The following LGR6 variants were observed in gnomAD, a reference collection of about 807,000 sequenced individuals.
The protein encoded by LGR6 is leucine-rich repeat-containing G protein-coupled receptor 6.
In LGR6, 45 loss-of-function variants were observed where a neutral mutation model predicts 69.4. That is an observed-to-expected ratio of 0.65 (90% CI 0.51 to 0.83). The LOEUF (loss-of-function observed/expected upper bound fraction) is 0.83. Ranked by LOEUF, LGR6 falls within the 40% of genes least tolerant of loss-of-function variation. LGR6 has a pLI of 0.00. For missense variants in LGR6, 1,108 were observed against 1,246.7 expected (o/e 0.89, Z 1.68); for synonymous variants, 538 against 555.0 (o/e 0.97, Z 0.43).
In LGR6 at chr1:202,212,959, C is replaced by T. The variant is rs1265682432; in HGVS notation, c.213-12464C>T. Among the ~76,000 whole-genome samples, 4 of 152,142 alleles carry T rather than the reference C, an allele frequency of 2.6e-5. No homozygotes were observed. In the South Asian group the frequency reaches 8.3e-4, roughly 32 times the overall value. On this transcript the variant is annotated intron_variant, in intron 1 of 17. Coordinates refer to ENST00000367278, the MANE Select transcript of LGR6 (RefSeq NM_001017403.2). ...GCCAAGCTTCCTCCAGGAAGCCCTC[C>T]CTGACCCACAGGTACTTGAGATTCC...
intron 7 of LGR6, among the ~76,000 whole-genome samples, chr1:202,299,571 A>G (rs931188750): frequency 7.2e-5 from 11 of 152,240 alleles, no homozygotes; most frequent in African/African-American, 2.7e-4. Flanking sequence ...CCCCTGTCTT[A>G]GAAACTTCTA....
rs183410180 is a variant in LGR6, at chr1:202,261,049, C to G, written c.429-15257C>G. The stretch of plus-strand genomic sequence containing the variant: ...GGATACAATAAACATCTTAAATCTA[C>G]ACTATTCTTTCAGCTCTAATGTTTT... On this transcript the variant is annotated intron_variant, in intron 4 of 17. Transcript: ENST00000367278. Among the ~76,000 whole-genome samples, 553 of 152,024 alleles carry G rather than the reference C, an allele frequency of 3.6e-3. 10 individuals are homozygous for G. The highest frequency in any genetic ancestry group is 0.024 in the South Asian group (114 of 4,808).
chr1:202,205,125 A>ACG (rs1208142256), intron 1 of LGR6, among the ~76,000 whole-genome samples: 1 of 85,544 alleles, frequency 1.2e-5, no homozygotes. Flanking sequence ...CACCTAACAC[A>ACG]CCTCCTTCAA....
intron 4 of LGR6, among the ~76,000 whole-genome samples, chr1:202,250,486 A>C (rs1204745353): frequency 1.3e-5 from 2 of 151,894 alleles, no homozygotes; most frequent in African/African-American, 4.8e-5. Flanking sequence ...GCTCACCGCA[A>C]CCTCTGCTTT....
chr1:202,244,045 C>G (rs1232288001), intron 4 of LGR6, among the ~76,000 whole-genome samples: 1 of 152,132 alleles, frequency 6.6e-6, no homozygotes, highest in Non-Finnish European at 1.5e-5. Context: ...CAACCTTCCA[C>G]CTGCCGGGTT....
At chr1:202,293,577 C>A (rs1451676362) in intron 6 of LGR6, among the ~76,000 whole-genome samples, 1 of 152,030 alleles carries the variant, frequency 6.6e-6, no homozygotes, top group Non-Finnish European at 1.5e-5. Flanking sequence ...AAGGAGGCAA[C>A]AAATGTTCAT....
intron 1 of LGR6, 143 bp from the exon 2 acceptor site, chr1:202,225,280 C>T (rs1046797093): frequency 1.4e-5 from 10 of 722,250 alleles, no homozygotes; most frequent in Non-Finnish European, 2.3e-5. Flanking sequence ...CTGCTGTTGT[C>T]AGACTGGCTT....
At chr1:202,240,853 C>T (rs1319620686) in intron 4 of LGR6, among the ~76,000 whole-genome samples, 1 of 152,168 alleles carries the variant, frequency 6.6e-6, no homozygotes, top group Admixed American at 6.5e-5. Context: ...GACCTTCCTC[C>T]AAGGGACTAT....
intron 4 of LGR6, among the ~76,000 whole-genome samples, chr1:202,266,609 T>G (rs1664683669): frequency 1.3e-5 from 2 of 152,094 alleles, no homozygotes; most frequent in African/African-American, 4.8e-5. Context: ...CCTCACTCCC[T>G]GCGTCACCCA....
intron 3 of LGR6, among the ~76,000 whole-genome samples, chr1:202,231,161 G>A (rs1431054383): frequency 6.6e-6 from 1 of 152,208 alleles, no homozygotes; most frequent in Admixed American, 6.5e-5. Context: ...CATCCCGGAG[G>A]AAATCTCCCT....
intron 7 of LGR6, chr1:202,298,471 AAGAGTCCTGG>A (rs1240406367): frequency 1.3e-5 from 2 of 152,116 alleles, no homozygotes; most frequent in Admixed American, 6.5e-5. Context: ...GGACCAGATT[AAGAGTCCTGG>A]AGACTCATAA....
chr1:202,200,871 C>T (rs889136643), intron 1 of LGR6, among the ~76,000 whole-genome samples: 2 of 152,104 alleles, frequency 1.3e-5, no homozygotes, highest in Admixed American at 1.3e-4. Flanking sequence ...TGGCACTGTG[C>T]CCCCCGGAGC....
At chr1:202,215,906 G>A (rs1053122921) in intron 1 of LGR6, among the ~76,000 whole-genome samples, 6 of 151,156 alleles carry the variant, frequency 4.0e-5, no homozygotes, top group African/African-American at 1.2e-4. Flanking sequence ...GACTGAACCT[G>A]CAGAGATCAG....
chr1:202,300,449 T>C (rs1311314773), intron 7 of LGR6, among the ~76,000 whole-genome samples: 1 of 151,536 alleles, frequency 6.6e-6, no homozygotes, highest in Non-Finnish European at 1.5e-5. Context: ...AGCCCAGGAG[T>C]TCTAGACTAG....
chr1:202,275,722 AG>A (rs1456312942), intron 4 of LGR6, among the ~76,000 whole-genome samples: 1 of 152,092 alleles, frequency 6.6e-6, no homozygotes, highest in Non-Finnish European at 1.5e-5. Context: ...CCTTTTGGGG[AG>A]GCATTTTTCT....
chr1:202,220,595 G>T (rs545470406), intron 1 of LGR6, among the ~76,000 whole-genome samples: 2 of 152,328 alleles, frequency 1.3e-5, no homozygotes, highest in East Asian at 3.9e-4. Flanking sequence ...TTAGAGATGG[G>T]AAGTGACATG....
At chr1:202,202,928 G>A (rs1658888579) in intron 1 of LGR6, among the ~76,000 whole-genome samples, 1 of 152,156 alleles carries the variant, frequency 6.6e-6, no homozygotes, top group African/African-American at 2.4e-5. Flanking sequence ...AAGGTGCTGA[G>A]TGTCTTCCAT....
chr1:202,283,061 GTAATAGTTAAC>G (rs1666131037), intron 6 of LGR6, among the ~76,000 whole-genome samples: 1 of 152,218 alleles, frequency 6.6e-6, no homozygotes, highest in Non-Finnish European at 1.5e-5. Context: ...CATAATGCCA[GTAATAGTTAAC>G]TAATCTTACA....
chr1:202,315,022 C>T, intron 17 of LGR6, 140 bp downstream of exon 17: 1 of 649,542 alleles, frequency 1.5e-6, no homozygotes, highest in Non-Finnish European at 2.8e-6. Flanking sequence ...GAGGGCCCTC[C>T]TTTCGTAATT....
Sources: gnomAD v4.1 joint callset for allele counts (sites outside exome capture counted in the v4.1 genomes callset) on GRCh38, gnomAD v4.1.1 for gene constraint, MANE v1.5 for transcripts, NCBI Gene and HGNC (gene_info 2026-07-23, HGNC 2026-07-21) for gene names.